Variants in FRAS1 observed in about 807,000 individuals in gnomAD.
The protein encoded by FRAS1 is Fraser extracellular matrix complex subunit 1, also known as extracellular matrix organizing protein FRAS1.
In FRAS1, 290 loss-of-function variants were observed where a neutral mutation model predicts 435.2. That is an observed-to-expected ratio of 0.67 (90% CI 0.61 to 0.73). The LOEUF (loss-of-function observed/expected upper bound fraction) is 0.73, where lower values mean the gene tolerates loss of function less well. Among genes scored for constraint, FRAS1 ranks in the 30% least tolerant of loss-of-function variants. FRAS1 has a pLI of 0.00. For synonymous variants in FRAS1, 1,800 were observed against 1,851.0 expected (o/e 0.97, Z 0.71); for missense variants, 4,860 against 5,001.5 (o/e 0.97, Z 0.85).
chr4:78,151,502 T>A (rs959481847), intron 2 of FRAS1, among the ~76,000 whole-genome samples: 8 of 152,120 alleles, frequency 5.3e-5, no homozygotes, highest in African/African-American at 1.9e-4. Context: ...ACAAAATATG[T>A]TGTCTGAGGG....
At chr4:78,105,895 C>T (rs925148324) in intron 2 of FRAS1, among the ~76,000 whole-genome samples, 7 of 136,408 alleles carry the variant, frequency 5.1e-5, no homozygotes, top group Admixed American at 2.3e-4. Context: ...GTGCGCGCAC[C>T]GTGCGCGAGC....
chr4:78,504,793 T>C (rs1720783580), intron 61 of FRAS1, among the ~76,000 whole-genome samples: 1 of 152,226 alleles, frequency 6.6e-6, no homozygotes. Context: ...ATTTTGCCCA[T>C]TAATTGATGC....
At chr4:78,083,249 TG>T (rs1385132674) in intron 2 of FRAS1, among the ~76,000 whole-genome samples, 1 of 152,126 alleles carries the variant, frequency 6.6e-6, no homozygotes, top group Admixed American at 6.6e-5. Context: ...GGCTTGTGAC[TG>T]GTTGAGGCAT....
In FRAS1 at chr4:78,245,273, A is replaced by T. The variant is rs766955180; in HGVS notation, c.257A>T (p.Glu86Val). The change falls in exon 4 of 74, where the codon GAG becomes GTG. Residue 86 changes from glutamate to valine, a missense_variant. Glu to Val is a moderately radical substitution (Grantham distance 121). Transcript: ENST00000512123. ...LQIAANQCCPECVLRTPGSCH... is the reference protein window; with the variant it reads ...LQIAANQCCPVCVLRTPGSCH... Reference sequence around the variant, plus strand: ...ATAGCTGCCAACCAATGCTGTCCTGAGTGTGTTTTGAGGACTCCAGGATCT... The same window carrying T: ...ATAGCTGCCAACCAATGCTGTCCTGTGTGTGTTTTGAGGACTCCAGGATCT... 11 of 1,609,608 alleles carry T rather than the reference A, an allele frequency of 6.8e-6. No homozygotes were observed. The South Asian group carries it at 1.2e-4, about 18-fold the overall frequency.
chr4:78,101,606 C>A lies in FRAS1; in HGVS notation c.108+35590C>A, dbSNP rs539714958. On this transcript the variant is annotated intron_variant, in intron 2 of 73. Transcript: ENST00000512123. ...ACCTATGGCAGAAAATAGGAATTTT[C>A]TCTCTAGAGAAAGTTCTCAAGGAAC... Among the ~76,000 whole-genome samples the A allele has an allele frequency of 2.0e-5, 3 of 152,050 alleles. No homozygotes were observed. The East Asian group carries it at 5.8e-4, about 29-fold the overall frequency.
chr4:78,540,430 C>G, intron 73 of FRAS1, 101 bp from the exon 74 acceptor site: 1 of 643,764 alleles, frequency 1.6e-6, no homozygotes. Context: ...TTCTGGAAAT[C>G]AGTTATCTAT....
intron 70 of FRAS1, among the ~76,000 whole-genome samples, chr4:78,528,742 CAT>C (rs1180007828): frequency 6.6e-6 from 1 of 152,090 alleles, no homozygotes; most frequent in Non-Finnish European, 1.5e-5. Context: ...TTTATATAAA[CAT>C]GTGTTTTCTG....
intron 71 of FRAS1, among the ~76,000 whole-genome samples, chr4:78,535,542 CA>C (rs1721854860): frequency 6.6e-6 from 1 of 152,104 alleles, no homozygotes; most frequent in Non-Finnish European, 1.5e-5. Context: ...CTATGTGCCC[CA>C]ACCAAAAATC....
intron 2 of FRAS1, among the ~76,000 whole-genome samples, chr4:78,149,724 T>G (rs1720565312): frequency 6.6e-6 from 1 of 152,174 alleles, no homozygotes; most frequent in Admixed American, 6.5e-5. Context: ...TATACTTTCC[T>G]CTCTTTCTCA....
intron 2 of FRAS1, among the ~76,000 whole-genome samples, chr4:78,163,734 G>A (rs547321299): frequency 7.2e-4 from 109 of 152,330 alleles, no homozygotes; most frequent in African/African-American, 1.8e-3. Flanking sequence ...AAGTCACAAC[G>A]TGACATATGA....
intron 2 of FRAS1, among the ~76,000 whole-genome samples, chr4:78,157,154 T>A (rs1720928023): frequency 6.6e-6 from 1 of 152,188 alleles, no homozygotes; most frequent in Admixed American, 6.5e-5. Context: ...ATGACATGAT[T>A]TCACTCTTTT....
At chr4:78,120,533 C>A (rs1718949726) in intron 2 of FRAS1, among the ~76,000 whole-genome samples, 1 of 152,200 alleles carries the variant, frequency 6.6e-6, no homozygotes, top group Non-Finnish European at 1.5e-5. Flanking sequence ...CCTCTTAGCT[C>A]TGACTTGTTC....
chr4:78,243,021 G>A (rs951032381), intron 3 of FRAS1, among the ~76,000 whole-genome samples: 14 of 152,166 alleles, frequency 9.2e-5, no homozygotes, highest in African/African-American at 2.4e-4. Flanking sequence ...AGTTAACCCA[G>A]TTCTGTCAGA....
chr4:78,478,186 C>G, intron 55 of FRAS1, 125 bp downstream of exon 55: 1 of 1,097,466 alleles, frequency 9.1e-7, no homozygotes. Flanking sequence ...CACTTATTAA[C>G]TCATTTGGTT....
chr4:78,223,640 G>C (rs1364263665), intron 2 of FRAS1, among the ~76,000 whole-genome samples: 4 of 152,070 alleles, frequency 2.6e-5, no homozygotes, highest in Non-Finnish European at 5.9e-5. Context: ...TTAACCCTGA[G>C]CCTGCACAGA....
chr4:78,252,712 T>C (rs745593598), intron 5 of FRAS1, among the ~76,000 whole-genome samples, 161 bp downstream of exon 5: 19 of 152,160 alleles, frequency 1.2e-4, no homozygotes, highest in Admixed American at 2.0e-4. Flanking sequence ...ATTTTACAGC[T>C]GGGCCTCCAG....
At chr4:78,108,474 C>A (rs1742508691) in intron 2 of FRAS1, among the ~76,000 whole-genome samples, 1 of 89,106 alleles carries the variant, frequency 1.1e-5, no homozygotes, top group African/African-American at 5.1e-5. Flanking sequence ...TACATGGAAA[C>A]TGAACAACCT....
At chr4:78,340,592 T>C (rs2110270025) in intron 20 of FRAS1, among the ~76,000 whole-genome samples, 1 of 152,322 alleles carries the variant, frequency 6.6e-6, no homozygotes, top group East Asian at 1.9e-4. Context: ...GGAGCTTGCC[T>C]ACAAGAAATG....
chr4:78,062,968 C>T (rs4615194), intron 1 of FRAS1, among the ~76,000 whole-genome samples: 37,545 of 152,006 alleles, frequency 0.25, 5,007 homozygotes, highest in East Asian at 0.35. Flanking sequence ...CTGTTGTCTC[C>T]GGTTTTTCCT....
Sources: allele counts gnomAD v4.1 joint callset (sites outside exome capture counted in the v4.1 genomes callset), GRCh38; gene constraint gnomAD v4.1.1; transcripts MANE v1.5; gene names NCBI Gene and HGNC (gene_info 2026-07-23, HGNC 2026-07-21).